NQO1: variants seen among roughly 807,000 people sequenced by gnomAD.
The protein encoded by NQO1 is NAD(P)H dehydrogenase [quinone] 1.
In NQO1, 30 loss-of-function variants were observed where a neutral mutation model predicts 32.1. That is an observed-to-expected ratio of 0.94 (90% CI 0.70 to 1.27). NQO1 has a LOEUF of 1.27. Among genes scored for constraint, NQO1 ranks in the 50% most tolerant of loss-of-function variants. The probability of loss-of-function intolerance (pLI) is 0.00; values close to 1 mark genes in which losing one functional copy is unlikely to be tolerated. For synonymous variants in NQO1, 109 were observed against 119.7 expected (o/e 0.91, Z 0.59); for missense variants, 276 against 331.3 (o/e 0.83, Z 1.30).
intron 1 of NQO1, among the ~76,000 whole-genome samples, chr16:69,719,218 A>C (rs1293839018): frequency 6.6e-6 from 1 of 152,206 alleles, no homozygotes; most frequent in Non-Finnish European, 1.5e-5. Context: ...TTGGCACCTT[A>C]CTGGTGGGGA....
At chr16:69,713,521 T>C (rs1488502556) in intron 4 of NQO1, among the ~76,000 whole-genome samples, 1 of 152,174 alleles carries the variant, frequency 6.6e-6, no homozygotes, top group East Asian at 1.9e-4. Flanking sequence ...CTGTGCAGGA[T>C]TTGGGCCTCC....
At position 69,726,496 on chromosome 16, in the gene NQO1, C is replaced by G. The variant is rs908273796; in HGVS notation, c.-57G>C. 1 of 1,596,752 alleles carries G rather than the reference C, an allele frequency of 6.3e-7. No homozygotes were observed. Among genetic ancestry groups the G allele is most frequent in the Non-Finnish European group, 8.5e-7 (1 of 1,176,494 alleles). On this transcript the variant is annotated 5_prime_UTR_variant, in exon 1 of 6. Transcript: ENST00000320623. The stretch of plus-strand genomic sequence containing the variant: ...TGGGCTCGTGGTTGCCGGGGCGACC[C>G]TGGCCGGAACTAGGCTCTCGGTGAG...
At position 69,718,345 on chromosome 16, in the gene NQO1, A is replaced by C. The variant is rs751812382; in HGVS notation, c.172+25T>G. ...AGGAGATCCGCAAAGAACTAATTAA[A>C]GAGGGGAGGAGGAACTCCTCCTACC... On this transcript the variant is annotated intron_variant, in intron 2 of 5. Transcript: ENST00000320623. 3 of 1,613,970 alleles carry C rather than the reference A, an allele frequency of 1.9e-6. No homozygotes were observed. The East Asian group carries it at 6.7e-5, about 36-fold the overall frequency.
intron 4 of NQO1, among the ~76,000 whole-genome samples, chr16:69,714,602 G>T (rs988282131): frequency 6.6e-6 from 1 of 151,686 alleles, no homozygotes; most frequent in African/African-American, 2.4e-5. Context: ...CATCAGAGCC[G>T]GGCACAGTGG....
Position 69,710,711 on chromosome 16 carries a change from T to TCGGTGGTCGACGTATCA in NQO1, c.*264_*265insTGATACGTCGACCACCG. 3 of 417,394 alleles carry TCGGTGGTCGACGTATCA rather than the reference T, an allele frequency of 7.2e-6. No individual in the cohort carries two copies. The highest frequency in any genetic ancestry group is 4.1e-5 in the Admixed American group (1 of 24,490). The allele number at this position is 417,394 out of a possible 1,614,324, so 25.9% of individuals were successfully genotyped here. On this transcript the variant is annotated 3_prime_UTR_variant, in exon 6 of 6. Coordinates refer to ENST00000320623, the MANE Select transcript of NQO1 (RefSeq NM_000903.3). ...AGAGGAATTAAATTGTGTAGATGCC[T>TCGGTGGTCGACGTATCA]TTAAAGAACATTTTTCTAGCATCTT...
chr16:69,725,317 A>G (rs2917669), intron 1 of NQO1, among the ~76,000 whole-genome samples: 130,014 of 152,202 alleles, frequency 0.85, 55,731 homozygotes, highest in Admixed American at 0.91. Context: ...ATTACAAAAC[A>G]CAGGATTCTG....
chr16:69,726,331 G>C (rs1205975039), intron 1 of NQO1, 102 bp downstream of exon 1: 3 of 1,505,338 alleles, frequency 2.0e-6, no homozygotes, highest in Non-Finnish European at 2.7e-6. Context: ...TGTGGGTTTT[G>C]AGTCAAGGAA....
chr16:69,723,293 A>G (rs1318773991), intron 1 of NQO1, among the ~76,000 whole-genome samples: 1 of 152,204 alleles, frequency 6.6e-6, no homozygotes, highest in African/African-American at 2.4e-5. Context: ...CAGTCAAGGC[A>G]CTTCTCAGAA....
intron 1 of NQO1, 68 bp downstream of exon 1, chr16:69,726,365 C>A: frequency 6.3e-7 from 1 of 1,598,052 alleles, no homozygotes; most frequent in Non-Finnish European, 8.5e-7. Context: ...CAAGCCCCTA[C>A]AACCTCCTCC....
At chr16:69,722,951 A>G (rs1433514386) in intron 1 of NQO1, among the ~76,000 whole-genome samples, 5 of 152,142 alleles carry the variant, frequency 3.3e-5, no homozygotes, top group Admixed American at 3.3e-4. Flanking sequence ...TTTTTGAGAC[A>G]GAGTTTCGCT....
chr16:69,709,714 CTTGAA>C lies in NQO1; in HGVS notation c.*1257_*1261del. On this transcript the variant is annotated 3_prime_UTR_variant, in exon 6 of 6. Coordinates refer to ENST00000320623, the MANE Select transcript of NQO1 (RefSeq NM_000903.3). ...GAGGGCAGTGTTTTATCATATTCTCCTTGAATTATATAATACCAACAGTGGAATGA... is the reference window on the plus strand; with the variant it reads ...GAGGGCAGTGTTTTATCATATTCTCCTTATATAATACCAACAGTGGAATGA... 2.5e-6 allele frequency: 1 copy of C among 398,316 alleles called. No homozygotes were observed. The highest frequency in any genetic ancestry group is 4.4e-6 in the Non-Finnish European group (1 of 225,972). The allele number at this position is 398,316 out of a possible 1,614,324, so 24.7% of individuals were successfully genotyped here. A position where few individuals can be genotyped will look rare whatever the true frequency, so the allele number is the denominator to read the frequency against.
At chr16:69,721,186 C>T (rs139106688) in intron 1 of NQO1, among the ~76,000 whole-genome samples, 98 of 152,194 alleles carry the variant, frequency 6.4e-4, no homozygotes, top group African/African-American at 2.2e-3. Context: ...CAACCACGCC[C>T]GGCCTGCACT....
At chr16:69,721,729 C>G (rs1053474643) in intron 1 of NQO1, among the ~76,000 whole-genome samples, 2 of 150,714 alleles carry the variant, frequency 1.3e-5, no homozygotes, top group Admixed American at 6.7e-5. Context: ...CGTGGTGGCT[C>G]ACACCTGTAA....
At chr16:69,720,444 CA>C (rs529699244) in intron 1 of NQO1, among the ~76,000 whole-genome samples, 79 of 130,688 alleles carry the variant, frequency 6.0e-4, no homozygotes, top group East Asian at 1.1e-3. Context: ...AAAGAAAATA[CA>C]AAAAAAAAAG....
chr16:69,722,660 A>G (rs1433762962), intron 1 of NQO1, among the ~76,000 whole-genome samples: 1 of 152,156 alleles, frequency 6.6e-6, no homozygotes, highest in Non-Finnish European at 1.5e-5. Flanking sequence ...ACTTGGTCCT[A>G]GGGTTTTGGA....
At chr16:69,717,482 C>CAGGAATCGCTAACT (rs1567632402) in intron 3 of NQO1, among the ~76,000 whole-genome samples, 1 of 152,038 alleles carries the variant, frequency 6.6e-6, no homozygotes, top group East Asian at 1.9e-4. Context: ...AATCGCTAAC[C>CAGGAATCGCTAACT]GCAGGATTCG....
In NQO1 at chr16:69,726,500, C is replaced by A; in HGVS notation, c.-61G>T. Reference sequence around the variant, plus strand: ...CTCGTGGTTGCCGGGGCGACCCTGGCCGGAACTAGGCTCTCGGTGAGCTGG... The same window carrying A: ...CTCGTGGTTGCCGGGGCGACCCTGGACGGAACTAGGCTCTCGGTGAGCTGG... On this transcript the variant is annotated 5_prime_UTR_variant, in exon 1 of 6. Coordinates refer to ENST00000320623, the MANE Select transcript of NQO1 (RefSeq NM_000903.3). 3 of 1,595,656 alleles carry A rather than the reference C, an allele frequency of 1.9e-6. No homozygotes were observed. Among genetic ancestry groups the A allele is most frequent in the Non-Finnish European group, 2.6e-6 (3 of 1,176,034 alleles).
intron 4 of NQO1, among the ~76,000 whole-genome samples, chr16:69,714,175 C>A (rs1220617217): frequency 6.9e-6 from 1 of 145,576 alleles, no homozygotes; most frequent in Non-Finnish European, 1.5e-5. Context: ...CCGTGCTTGG[C>A]CTTTTATTTT....
chr16:69,716,276 C>T (rs573553957), intron 3 of NQO1, among the ~76,000 whole-genome samples: 5 of 151,916 alleles, frequency 3.3e-5, no homozygotes, highest in Non-Finnish European at 5.9e-5. Context: ...GGGTGGATCA[C>T]TTGAGGTCAG....
Sources: gnomAD v4.1 joint callset for allele counts (sites outside exome capture counted in the v4.1 genomes callset) on GRCh38, gnomAD v4.1.1 for gene constraint, MANE v1.5 for transcripts, NCBI Gene and HGNC (gene_info 2026-07-23, HGNC 2026-07-21) for gene names.